PLAC1: variants seen among roughly 807,000 people sequenced by gnomAD.
PLAC1 encodes the protein placenta associated 1.
For missense variants in PLAC1, 136 were observed against 163.2 expected (o/e 0.83, Z 0.91); for synonymous variants, 68 against 62.1 (o/e 1.09, Z -0.44).
chrX:134,655,397 T>C (rs1157834471), intron 1 of PLAC1, among the ~76,000 whole-genome samples: 3 of 109,160 alleles, frequency 2.7e-5, no homozygotes, highest in African/African-American at 1.0e-4. Flanking sequence ...TCATAACACA[T>C]TCCCACTAAA....
intron 2 of PLAC1, among the ~76,000 whole-genome samples, chrX:134,675,367 T>C (rs990473363): frequency 8.9e-6 from 1 of 112,477 alleles, no homozygotes; most frequent in Non-Finnish European, 1.9e-5. Context: ...GTGACCTGGA[T>C]AGAAATAAAG....
At chrX:134,652,263 A>C (rs762504052) in intron 1 of PLAC1, among the ~76,000 whole-genome samples, 1 of 112,149 alleles carries the variant, frequency 8.9e-6, no homozygotes, top group Non-Finnish European at 1.9e-5. Context: ...CGTGGCTCAA[A>C]TAGGATGGAT....
chrX:134,603,123 A>G (rs990090297), intron 1 of PLAC1, among the ~76,000 whole-genome samples: 2 of 101,638 alleles, frequency 2.0e-5, no homozygotes, highest in Non-Finnish European at 4.0e-5. Context: ...GAATGGGAAC[A>G]GAGTAATATT....
rs1284412646 is a variant in PLAC1 at position 134,705,021 on chromosome X, T to TATATACAC, written n.174+28413_174+28414insGTGTATAT. Among the ~76,000 whole-genome samples, 43 of 98,309 alleles carry TATATACAC rather than the reference T, an allele frequency of 4.4e-4. 1 individual carries two copies. Among genetic ancestry groups the TATATACAC allele is most frequent in the African/African-American group, 1.6e-3 (41 of 25,478 alleles). 85.4% of individuals were successfully genotyped at this position (98,309 alleles called of 115,157 possible). On this transcript the variant is annotated intron_variant and non_coding_transcript_variant, in intron 2 of 2. Coordinates refer to the PLAC1 transcript ENST00000466797. Reference sequence around the variant, plus strand: ...AAAATTATATATATATATATATATATACACACACACACACTAATATATAAA... The same window carrying TATATACAC: ...AAAATTATATATATATATATATATATATATACACACACACACACACACTAATATATAAA...
At chrX:134,610,588 A>C (rs935994666) in intron 1 of PLAC1, among the ~76,000 whole-genome samples, 94 of 110,560 alleles carry the variant, frequency 8.5e-4, no homozygotes, top group South Asian at 1.9e-3. Flanking sequence ...CTTGCTCCTT[A>C]CCCATATGAA....
intron 2 of PLAC1, among the ~76,000 whole-genome samples, chrX:134,586,828 G>C (rs1162978389): frequency 3.6e-5 from 2 of 55,009 alleles, no homozygotes; most frequent in African/African-American, 1.1e-4. Flanking sequence ...GCACTACCAC[G>C]CCCAGCTAAT....
chrX:134,569,173 T>C (rs956911446), intron 2 of PLAC1, among the ~76,000 whole-genome samples: 3 of 111,493 alleles, frequency 2.7e-5, no homozygotes, highest in African/African-American at 9.8e-5. Context: ...GCATCTTTCC[T>C]GTACTCCTTC....
chrX:134,723,526 G>A (rs2078664995), intron 2 of PLAC1, among the ~76,000 whole-genome samples: 1 of 109,858 alleles, frequency 9.1e-6, no homozygotes. Flanking sequence ...GTTGCCCAGA[G>A]TGGTCTTGAC....
chrX:134,632,322 G>T (rs751089060), intron 1 of PLAC1, among the ~76,000 whole-genome samples: 1 of 112,040 alleles, frequency 8.9e-6, no homozygotes, highest in Non-Finnish European at 1.9e-5. Flanking sequence ...TCCTATTGGG[G>T]TCTGTAGGAC....
intron 1 of PLAC1, among the ~76,000 whole-genome samples, chrX:134,751,134 A>C (rs1168337985): frequency 1.0e-5 from 1 of 99,454 alleles, no homozygotes; most frequent in Non-Finnish European, 2.0e-5. Flanking sequence ...AAAAAAAAAA[A>C]AGGAAAAGAA....
At chrX:134,579,403 A>G (rs1713273014) in intron 2 of PLAC1, among the ~76,000 whole-genome samples, 1 of 111,853 alleles carries the variant, frequency 8.9e-6, no homozygotes, top group African/African-American at 3.3e-5. Context: ...TTTAATCACC[A>G]TGAAAGAAAA....
chrX:134,677,670 C>T (rs2078480088), intron 2 of PLAC1, among the ~76,000 whole-genome samples: 1 of 111,681 alleles, frequency 9.0e-6, no homozygotes, highest in South Asian at 3.8e-4. Context: ...AGGTGAGAGT[C>T]ACATAATGGC....
intron 2 of PLAC1, among the ~76,000 whole-genome samples, chrX:134,678,702 G>T (rs1000086268): frequency 2.7e-5 from 3 of 111,866 alleles, no homozygotes; most frequent in Non-Finnish European, 5.6e-5. Flanking sequence ...CATTCCTGGT[G>T]CATAGTAGGA....
At chrX:134,671,705 C>G (rs1172933983) in intron 2 of PLAC1, among the ~76,000 whole-genome samples, 2 of 111,379 alleles carry the variant, frequency 1.8e-5, no homozygotes, top group Admixed American at 9.5e-5. Flanking sequence ...AAATCCACCT[C>G]GTGATCCAAT....
At chrX:134,700,190 A>C (rs775394774) in intron 2 of PLAC1, among the ~76,000 whole-genome samples, 1 of 111,852 alleles carries the variant, frequency 8.9e-6, no homozygotes, top group African/African-American at 3.2e-5. Flanking sequence ...TCTGAAATTA[A>C]CTATCTGGTT....
At chrX:134,747,721 G>A (rs1475702196) in intron 1 of PLAC1, among the ~76,000 whole-genome samples, 1 of 111,745 alleles carries the variant, frequency 8.9e-6, no homozygotes, top group Non-Finnish European at 1.9e-5. Flanking sequence ...CATTCATAAT[G>A]ATGATAATGC....
intron 1 of PLAC1, among the ~76,000 whole-genome samples, chrX:134,734,968 T>C (rs2078699271): frequency 9.0e-6 from 1 of 111,503 alleles, no homozygotes; most frequent in East Asian, 2.8e-4. Flanking sequence ...CTATTTCAGT[T>C]GCTATTAAAC....
intron 2 of PLAC1, among the ~76,000 whole-genome samples, chrX:134,583,721 G>A (rs1013481185): frequency 1.1e-4 from 12 of 110,528 alleles, no homozygotes; most frequent in African/African-American, 4.0e-4. Flanking sequence ...GGCTCTTTCC[G>A]CCCCCACCTC....
chrX:134,671,750 G>A (rs1309805763), intron 2 of PLAC1, among the ~76,000 whole-genome samples: 2 of 111,959 alleles, frequency 1.8e-5, no homozygotes, highest in African/African-American at 3.2e-5. Context: ...AATCTGACAC[G>A]AGATTTGGAC....
Sources: gnomAD v4.1 joint callset for allele counts (sites outside exome capture counted in the v4.1 genomes callset) on GRCh38, gnomAD v4.1.1 for gene constraint, MANE v1.5 for transcripts, NCBI Gene and HGNC (gene_info 2026-07-23, HGNC 2026-07-21) for gene names.